BCR: variants seen among roughly 807,000 people sequenced by gnomAD.
The protein encoded by BCR is breakpoint cluster region protein.
A neutral mutation model predicts 138.6 loss-of-function variants in BCR; 58 were observed. The observed-to-expected ratio is 0.42, with a 90% CI of 0.34 to 0.52. The LOEUF (loss-of-function observed/expected upper bound fraction) is 0.52, where lower values mean the gene tolerates loss of function less well. Ranked by LOEUF, BCR falls within the 20% of genes least tolerant of loss-of-function variation. BCR has a pLI of 0.06. For missense variants in BCR, 1,599 were observed against 1,727.2 expected, an observed-to-expected ratio of 0.93 and a Z score of 1.32; for synonymous variants, 786 against 730.1, an observed-to-expected ratio of 1.08 and a Z score of -1.23.
chr22:23,300,691 G>A (rs905867413), intron 16 of BCR, among the ~76,000 whole-genome samples: 4 of 152,136 alleles, frequency 2.6e-5, no homozygotes, highest in Non-Finnish European at 5.9e-5. Context: ...CACCAGGAGG[G>A]CCCCAGTCAG....
chr22:23,228,059 G>A (rs1355963401), intron 1 of BCR, among the ~76,000 whole-genome samples: 1 of 152,176 alleles, frequency 6.6e-6, no homozygotes, highest in African/African-American at 2.4e-5. Flanking sequence ...TGTGGGATCA[G>A]TAGTGATATC....
chr22:23,248,008 A>G (rs912437675), intron 1 of BCR, among the ~76,000 whole-genome samples: 2 of 152,040 alleles, frequency 1.3e-5, no homozygotes, highest in African/African-American at 2.4e-5. Flanking sequence ...CCATGTTGTG[A>G]TGAATATGGG....
intron 1 of BCR, among the ~76,000 whole-genome samples, chr22:23,234,525 C>A (rs551269624): frequency 4.9e-4 from 74 of 152,254 alleles, no homozygotes; most frequent in African/African-American, 1.8e-3. Flanking sequence ...GGACCCTACA[C>A]ACGGTGAGTG....
Position 23,290,379 on chromosome 22 carries a change from C to T in BCR, c.2748C>T (p.Ile916=), listed in dbSNP as rs749070471. 1.5e-5 allele frequency: 25 copies of T among 1,614,004 alleles called. No individual in the cohort carries two copies. Among genetic ancestry groups the T allele is most frequent in the Admixed American group, 3.3e-5 (2 of 60,006 alleles). Residue 916 remains isoleucine (I), a synonymous_variant, in exon 14 of 23, where the codon ATC becomes ATT. Coordinates refer to ENST00000305877, the MANE Select transcript of BCR (RefSeq NM_004327.4). ...GGCTCTATGGGTTTCTGAATGTCAT[C>T]GTCCACTCAGCCACTGGATTTAAGC... ...SPGLYGFLNV[I]VHSATGFKQS... is the part of the protein sequence containing the mutation.
chr22:23,218,926 C>T (rs1248085141), intron 1 of BCR, among the ~76,000 whole-genome samples: 3 of 152,206 alleles, frequency 2.0e-5, no homozygotes, highest in Admixed American at 1.3e-4. Context: ...GGTCGCAGCC[C>T]GGCCCTGCTC....
chr22:23,289,689 C>G, intron 13 of BCR, 68 bp downstream of exon 13: 1 of 1,350,608 alleles, frequency 7.4e-7, no homozygotes, highest in African/African-American at 1.5e-5. Context: ...GAAGGCTGAT[C>G]CCCCCTTCCT....
chr22:23,250,757 G>A (rs55997319), intron 1 of BCR, among the ~76,000 whole-genome samples: 2 of 152,168 alleles, frequency 1.3e-5, no homozygotes, highest in Non-Finnish European at 2.9e-5. Flanking sequence ...AGGAAGCTGA[G>A]GCAGGAGGAT....
At position 23,196,179 on chromosome 22, in the gene BCR, C is replaced by T. The variant is rs368564048; in HGVS notation, c.1279+13940C>T. Among the ~76,000 whole-genome samples the T allele has an allele frequency of 2.3e-4, 35 of 152,288 alleles. 1 individual carries two copies. The East Asian group carries it at 5.8e-3, about 25-fold the overall frequency. ...TAAGCCTCTAGTGTTTTATAAGTGG[C>T]AGAGTTGATGGGAAAACACTGATCT... is the stretch of plus-strand genomic sequence containing the variant. On this transcript the variant is annotated intron_variant, in intron 1 of 22. Coordinates refer to ENST00000305877, the MANE Select transcript of BCR (RefSeq NM_004327.4).
intron 1 of BCR, among the ~76,000 whole-genome samples, chr22:23,248,112 G>T (rs2073176136): frequency 6.6e-6 from 1 of 152,316 alleles, no homozygotes; most frequent in South Asian, 2.1e-4. Context: ...GGGAGACTGA[G>T]GCTGGTGGAT....
chr22:23,267,324 ATGGCAGGGGCC>A (rs2146283224), intron 4 of BCR, among the ~76,000 whole-genome samples: 1 of 152,166 alleles, frequency 6.6e-6, no homozygotes, highest in South Asian at 2.1e-4. Context: ...GGTGGTCAGC[ATGGCAGGGGCC>A]TGGCAGGTGT....
intron 16 of BCR, among the ~76,000 whole-genome samples, chr22:23,303,602 G>T (rs560750338): frequency 9.0e-4 from 137 of 152,354 alleles, no homozygotes; most frequent in African/African-American, 2.9e-3. Context: ...CTTGCAGCAG[G>T]AACACAAAAT....
chr22:23,237,110 G>T (rs868389163), intron 1 of BCR, among the ~76,000 whole-genome samples: 2 of 152,358 alleles, frequency 1.3e-5, no homozygotes, highest in African/African-American at 4.8e-5. Context: ...TGGCGTGTCT[G>T]CAGTGGCATG....
intron 1 of BCR, among the ~76,000 whole-genome samples, chr22:23,193,579 G>T (rs1026495932): frequency 1.3e-5 from 2 of 152,256 alleles, no homozygotes; most frequent in African/African-American, 4.8e-5. Context: ...ACCCTGGGGT[G>T]TGTCAGGGCC....
intron 15 of BCR, among the ~76,000 whole-genome samples, chr22:23,293,122 G>A (rs1476184557): frequency 2.6e-5 from 4 of 152,134 alleles, no homozygotes; most frequent in Non-Finnish European, 5.9e-5. Flanking sequence ...GAGAGCTGCT[G>A]TGTGAGTCAC....
rs188421682 is a variant in BCR, at chr22:23,299,607, T to A, written c.3012+4452T>A. The stretch of plus-strand genomic sequence containing the variant: ...ACAGGGCTTTGTCCAGTTCATTCTC[T>A]GTGGTATCTCCAGTATCCAGACAGA... On this transcript the variant is annotated intron_variant, in intron 16 of 22. Coordinates refer to ENST00000305877, the MANE Select transcript of BCR (RefSeq NM_004327.4). 2.5e-3 allele frequency among the ~76,000 whole-genome samples: 388 copies of A among 152,240 alleles called. 1 individual carries two copies. Among genetic ancestry groups the A allele is most frequent in the African/African-American group, 9.0e-3 (375 of 41,566 alleles).
intron 5 of BCR, among the ~76,000 whole-genome samples, chr22:23,269,094 C>G (rs1382473870): frequency 4.6e-5 from 7 of 152,258 alleles, no homozygotes; most frequent in Admixed American, 1.3e-4. Flanking sequence ...AAGCTGAAAC[C>G]TCAAACCATG....
rs1193229028 is a variant in BCR, at chr22:23,285,141, G to A, written c.2346G>A (p.Glu782=). ...CCAACATCCCCCTGGTGCCCGATGA[G>A]GAGCTGGACGCTTTGAAGATCAAGA... is the stretch of plus-strand genomic sequence containing the variant. ...AVPNIPLVPD[E]ELDALKIKIS... is the part of the protein sequence containing the mutation. Residue 782 remains glutamate, a synonymous_variant, in exon 10 of 23, where the codon GAG becomes GAA. Transcript: ENST00000305877. The A allele has an allele frequency of 1.2e-6, 2 of 1,613,930 alleles. No individual in the cohort carries two copies. Among genetic ancestry groups the A allele is most frequent in the Admixed American group, 3.3e-5 (2 of 59,990 alleles).
At chr22:23,226,926 T>C (rs981715953) in intron 1 of BCR, among the ~76,000 whole-genome samples, 9 of 152,140 alleles carry the variant, frequency 5.9e-5, no homozygotes. Context: ...TTGGGGGAGA[T>C]TGAAGTTAGA....
chr22:23,262,706 AGGGCGGGCCCG>A lies in BCR; in HGVS notation c.1752+1169_1752+1179del, dbSNP rs1390912987. The A allele has an allele frequency of 6.7e-5, 13 of 195,196 alleles. No individual in the cohort carries two copies. The East Asian group carries it at 2.3e-3, about 34-fold the overall frequency. The allele number at this position is 195,196 out of a possible 1,614,324, so 12.1% of individuals were successfully genotyped here. On this transcript the variant is annotated intron_variant, in intron 4 of 22. Transcript: ENST00000305877. ...CCGCCGGGAATGGCGGGCCCGGGTG[AGGGCGGGCCCG>A]GGTGAGGGCGGGGGCGGAGAGGCGA...
Sources: allele counts gnomAD v4.1 joint callset (sites outside exome capture counted in the v4.1 genomes callset), GRCh38; gene constraint gnomAD v4.1.1; transcripts MANE v1.5; gene names NCBI Gene and HGNC (gene_info 2026-07-23, HGNC 2026-07-21).